SPTBN5: variants seen among roughly 807,000 people sequenced by gnomAD.
SPTBN5 encodes spectrin beta chain, non-erythrocytic 5.
SPTBN5 carries 513 observed loss-of-function variants against 477.6 expected under a neutral mutation model. That is an observed-to-expected ratio of 1.07 (90% CI 1.00 to 1.16). The LOEUF is 1.16. SPTBN5 is among the 50% of genes most tolerant of loss of function. SPTBN5 has a pLI of 0.00. For missense variants in SPTBN5, 5,062 were observed against 4,731.8 expected, an observed-to-expected ratio of 1.07 and a Z score of -2.05; for synonymous variants, 2,169 against 2,011.7, an observed-to-expected ratio of 1.08 and a Z score of -2.09.
At chr15:41,853,190 G>GC in intron 59 of SPTBN5, 68 bp downstream of exon 59, 2 of 1,528,376 alleles carry the variant, frequency 1.3e-6, no homozygotes, top group South Asian at 1.3e-5. Flanking sequence ...CCTGTGAGGG[G>GC]CCCTGAGGCC....
At chr15:41,849,710 G>A (rs56651358) in intron 67 of SPTBN5, among the ~76,000 whole-genome samples, 159 bp downstream of exon 67, 7 of 152,294 alleles carry the variant, frequency 4.6e-5, no homozygotes, top group African/African-American at 7.2e-5. Flanking sequence ...ATTCCTCTCA[G>A]CTGAGAGTGG....
At chr15:41,849,044 TG>T (rs1226694868) in intron 67 of SPTBN5, among the ~76,000 whole-genome samples, 1 of 152,158 alleles carries the variant, frequency 6.6e-6, no homozygotes, top group Non-Finnish European at 1.5e-5. Context: ...CCACCCCTCA[TG>T]GTATGAGCCC....
At position 41,853,621 on chromosome 15, in the gene SPTBN5, G is replaced by T; in HGVS notation, c.9941C>A (p.Ala3314Glu). 1 of 1,591,036 alleles carries T rather than the reference G, an allele frequency of 6.3e-7. No homozygotes were observed. Residue 3314 changes from alanine to glutamate, a missense_variant, in exon 58 of 68, where the codon GCA (alanine) becomes GAA (glutamate). Physicochemically the swap from Ala to Glu is moderately radical, Grantham distance 107. Coordinates refer to ENST00000320955, the MANE Select transcript of SPTBN5 (RefSeq NM_016642.4). ...GCGCCCGAGGAAGGCATGGCCCTGTGCAGCCTGCGCCAGCCACTGGCCTCG... is the reference window on the plus strand; with the variant it reads ...GCGCCCGAGGAAGGCATGGCCCTGTTCAGCCTGCGCCAGCCACTGGCCTCG... Reference protein sequence around the residue: ...QERGQWLAQAAQGHAFLGRCQ... With the variant: ...QERGQWLAQAEQGHAFLGRCQ...
At chr15:41,877,073 G>C in intron 18 of SPTBN5, 43 bp downstream of exon 18, 2 of 1,610,216 alleles carry the variant, frequency 1.2e-6, no homozygotes, top group East Asian at 2.2e-5. Flanking sequence ...GCTCCCTCCA[G>C]TGATGGGGAG....
At chr15:41,858,566 A>C (rs1187298850) in intron 49 of SPTBN5, 36 bp downstream of exon 49, 1 of 1,597,114 alleles carries the variant, frequency 6.3e-7, no homozygotes, top group African/African-American at 1.3e-5. Flanking sequence ...CTGCCTGGAG[A>C]GCTGTCCCAC....
In SPTBN5 at chr15:41,882,705, T is replaced by C. The variant is rs755023957; in HGVS notation, c.1926A>G (p.Ala642=). Residue 642 remains alanine (A), a synonymous_variant, in exon 10 of 68, where the codon GCA becomes GCG. Coordinates refer to ENST00000320955, the MANE Select transcript of SPTBN5 (RefSeq NM_016642.4). ...CCTCCTCACAGTTGCGCAGGAACTC[T>C]GCCCGCTGCAGGGTCTGCTCCAGCA... ...RALLEQTLQR[A]EFLRNCEEEE... The C allele has an allele frequency of 1.2e-6, 2 of 1,609,968 alleles. No individual in the cohort carries two copies. The highest frequency in any genetic ancestry group is 2.2e-5 in the South Asian group (2 of 90,170).
chr15:41,876,908 C>T lies in SPTBN5; in HGVS notation c.3752G>A (p.Arg1251Gln), dbSNP rs560781735. 3.2e-5 allele frequency: 51 copies of T among 1,610,196 alleles called. No homozygotes were observed. Among genetic ancestry groups the T allele is most frequent in the East Asian group, 4.5e-5 (2 of 44,846 alleles). The change falls in exon 19 of 68, where the codon CGG (arginine) becomes CAG (glutamine). Residue 1251 changes from arginine to glutamine, a missense_variant. By Grantham distance (43) the Arg-to-Gln change is conservative. Coordinates refer to ENST00000320955, the MANE Select transcript of SPTBN5 (RefSeq NM_016642.4). ...REALSLLQQH[R>Q]EFGRLLSTLG... Reference sequence around the variant, plus strand: ...GGTGCTCAGGAGCCGCCCAAACTCCCGGTGCTGCTGCAGCAGGCTCAGGGC... The same window carrying T: ...GGTGCTCAGGAGCCGCCCAAACTCCTGGTGCTGCTGCAGCAGGCTCAGGGC...
rs371741201 is a variant in SPTBN5 at position 41,870,247 on chromosome 15, C to T, written c.5669G>A (p.Arg1890Gln). 391 of 1,548,926 alleles carry T rather than the reference C, an allele frequency of 2.5e-4. No homozygotes were observed. Among genetic ancestry groups the T allele is most frequent in the Non-Finnish European group, 3.2e-4 (364 of 1,146,686 alleles). ...GAGGCAGCCAGCTGGGCTCACCTGCCGCTCGGTGCCCACGAGTTCTCGCTC... is the reference window on the plus strand; with the variant it reads ...GAGGCAGCCAGCTGGGCTCACCTGCTGCTCGGTGCCCACGAGTTCTCGCTC... The part of the protein sequence containing the change: ...GLERELVGTE[R>Q]QLQELLETAG... The change falls in exon 31 of 68, where the codon CGG becomes CAG. Residue 1890 changes from arginine to glutamine, a missense_variant. Transcript: ENST00000320955.
chr15:41,893,269 T>G lies in SPTBN5; in HGVS notation c.216+13A>C. ...GTATGGGTGGGCTGTGGGTCACAGC[T>G]GGCTATACTCACCTGGCCGCACTGG... On this transcript the variant is annotated intron_variant, in intron 2 of 67. Coordinates refer to ENST00000320955, the MANE Select transcript of SPTBN5 (RefSeq NM_016642.4). The G allele has an allele frequency of 4.3e-6, 7 of 1,613,856 alleles. No individual in the cohort carries two copies. The highest frequency in any genetic ancestry group is 5.1e-6 in the Non-Finnish European group (6 of 1,179,866).
chr15:41,867,533 A>T lies in SPTBN5; in HGVS notation c.6312+5T>A. The T allele has an allele frequency of 6.2e-7, 1 of 1,613,396 alleles. No individual in the cohort carries two copies. Among genetic ancestry groups the T allele is most frequent in the Non-Finnish European group, 8.5e-7 (1 of 1,179,544 alleles). ...GACCACGCCCAGGCCTCCTGACTCCATTACCTTCTTGTCCTGGGCAGTCAG... is the reference window on the plus strand; with the variant it reads ...GACCACGCCCAGGCCTCCTGACTCCTTTACCTTCTTGTCCTGGGCAGTCAG... On this transcript the variant is annotated splice_donor_5th_base_variant and intron_variant, in intron 35 of 67. Transcript: ENST00000320955.
chr15:41,889,738 T>C (rs1261915633), intron 4 of SPTBN5, among the ~76,000 whole-genome samples: 1 of 152,202 alleles, frequency 6.6e-6, no homozygotes, highest in Non-Finnish European at 1.5e-5. Flanking sequence ...CAACAGTACA[T>C]TGTGGTGTAA....
Position 41,851,342 on chromosome 15 carries a change from G to A in SPTBN5, c.10684C>T (p.Arg3562Cys), listed in dbSNP as rs376791923. 103 of 1,550,970 alleles carry A rather than the reference G, an allele frequency of 6.6e-5. No homozygotes were observed. The highest frequency in any genetic ancestry group is 3.0e-4 in the African/African-American group (22 of 73,098). Residue 3562 changes from arginine to cysteine, a missense_variant, in exon 64 of 68, where the codon CGC becomes TGC. By Grantham distance (180) the Arg-to-Cys change is radical (BLOSUM62 -3). Transcript: ENST00000320955. The stretch of plus-strand genomic sequence containing the variant: ...AGAGAGCTGCCCTGCAAGTTCCCGC[G>A]GCAGCTGTCCCAGGAGCTCGAGCTA... ...QPSSSSWDSC[R>C]GNLQGSSLSL...
At chr15:41,879,911 C>T (rs374389039) in intron 14 of SPTBN5, 47 bp from the exon 15 acceptor site, 75 of 1,610,132 alleles carry the variant, frequency 4.7e-5, no homozygotes, top group East Asian at 3.3e-4. Context: ...TTTTCTCTTT[C>T]CACACTCCCC....
chr15:41,852,097 G>A (rs2065782285), intron 62 of SPTBN5, 85 bp downstream of exon 62: 4 of 1,483,554 alleles, frequency 2.7e-6, no homozygotes, highest in Admixed American at 2.3e-5. Flanking sequence ...CCAGGGTGTG[G>A]GCCCTCACCC....
intron 4 of SPTBN5, among the ~76,000 whole-genome samples, chr15:41,888,516 AG>A (rs1400622557): frequency 9.8e-5 from 15 of 152,348 alleles, no homozygotes; most frequent in Admixed American, 4.6e-4. Flanking sequence ...GCTGGAGTGC[AG>A]TGGCACGATC....
chr15:41,875,572 C>T lies in SPTBN5; in HGVS notation c.4173G>A (p.Gln1391=), dbSNP rs2066695834. ...SRRPCGQEDI[Q]TRLQGLRSKW... ...TGCTTCTCAGGCCTTGAAGCCTGGT[C>T]TGTATGTCCTCCTGGCCACAGGGCC... The change falls in exon 22 of 68, where the codon CAG becomes CAA. Residue 1391 remains glutamine, a synonymous_variant. Coordinates refer to ENST00000320955, the MANE Select transcript of SPTBN5 (RefSeq NM_016642.4). 4 of 1,606,962 alleles carry T rather than the reference C, an allele frequency of 2.5e-6. No homozygotes were observed. The highest frequency in any genetic ancestry group is 1.7e-5 in the Admixed American group (1 of 59,008).
chr15:41,863,504 A>G (rs1197658), intron 41 of SPTBN5, among the ~76,000 whole-genome samples, 200 bp downstream of exon 41: 128,006 of 152,050 alleles, frequency 0.84, 54,095 homozygotes, highest in East Asian at 0.98. Context: ...CTCGCAATGG[A>G]TGCTTCTATG....
In SPTBN5 at chr15:41,850,878, A is replaced by C; in HGVS notation, c.10897T>G (p.Trp3633Gly). Reference sequence around the variant, plus strand: ...CCTGCAGTGCTGCCCAGGGCTCGCCACCAGCTCTCAGCCTGCTCTTCGGAC... The same window carrying C: ...CCTGCAGTGCTGCCCAGGGCTCGCCCCCAGCTCTCAGCCTGCTCTTCGGAC... Reference protein sequence around the residue: ...APSEEQAESWWRALGSTAAQS... With the variant: ...APSEEQAESWGRALGSTAAQS... The change falls in exon 66 of 68, where the codon TGG becomes GGG. Residue 3633 changes from tryptophan to glycine, a missense_variant. Transcript: ENST00000320955. The C allele has an allele frequency of 6.2e-7, 1 of 1,602,364 alleles. No individual in the cohort carries two copies. The highest frequency in any genetic ancestry group is 8.5e-7 in the Non-Finnish European group (1 of 1,175,372).
rs1375199904 is a variant in SPTBN5, at chr15:41,859,582, A to G, written c.7989-602T>C. On this transcript the variant is annotated intron_variant, in intron 47 of 67. Transcript: ENST00000320955. ...GTGGGTCCTAATCCAGTGTGACCTT[A>G]TGAGAGGAGGCAACTGGGGCAGACA... Among the ~76,000 whole-genome samples the G allele has an allele frequency of 5.3e-5, 8 of 152,290 alleles. No individual in the cohort carries two copies. In the East Asian group the frequency reaches 1.5e-3, roughly 29 times the overall value.
Sources: gnomAD v4.1 joint callset for allele counts (sites outside exome capture counted in the v4.1 genomes callset) on GRCh38, gnomAD v4.1.1 for gene constraint, MANE v1.5 for transcripts, NCBI Gene and HGNC (gene_info 2026-07-23, HGNC 2026-07-21) for gene names.